SBSPON: variants seen among roughly 807,000 people sequenced by gnomAD.
The protein encoded by SBSPON is somatomedin-B and thrombospondin type-1 domain-containing protein.
A neutral mutation model predicts 35.8 loss-of-function variants in SBSPON; 30 were observed. The ratio of observed to expected loss-of-function variants is 0.84; its 90% CI spans 0.63 to 1.14. The LOEUF is 1.14. Among genes scored for constraint, SBSPON ranks in the 50% most tolerant of loss-of-function variants. The pLI is 0.00. For missense variants in SBSPON, 364 were observed against 357.7 expected, an observed-to-expected ratio of 1.02 and a Z score of -0.14; for synonymous variants, 136 against 135.9, an observed-to-expected ratio of 1.00 and a Z score of 0.00.
intron 1 of SBSPON, among the ~76,000 whole-genome samples, chr8:73,089,749 A>G (rs1397917414): frequency 6.6e-6 from 1 of 152,208 alleles, no homozygotes; most frequent in East Asian, 1.9e-4. Flanking sequence ...GACCAGTGCT[A>G]AGAGCCAACC....
At chr8:73,086,288 G>A (rs954843860) in intron 1 of SBSPON, among the ~76,000 whole-genome samples, 3 of 151,904 alleles carry the variant, frequency 2.0e-5, no homozygotes, top group Admixed American at 6.6e-5. Context: ...AGCCTCCCGA[G>A]TAGCTGGGAT....
chr8:73,069,174 A>G (rs953838146), intron 4 of SBSPON, among the ~76,000 whole-genome samples: 6 of 152,148 alleles, frequency 3.9e-5, no homozygotes, highest in Non-Finnish European at 7.3e-5. Context: ...GAATCTGCAC[A>G]TTTTACATCT....
chr8:73,078,224 G>A lies in SBSPON; in HGVS notation c.409+2795C>T, dbSNP rs1198508368. On this transcript the variant is annotated intron_variant, in intron 2 of 4. Coordinates refer to ENST00000297354, the MANE Select transcript of SBSPON (RefSeq NM_153225.4). ...ACCAGATCCTGATGCTGCTGATCCAGGACCACCCGTTAGGAATCATCAGAC... is the reference window on the plus strand; with the variant it reads ...ACCAGATCCTGATGCTGCTGATCCAAGACCACCCGTTAGGAATCATCAGAC... 7.2e-5 allele frequency among the ~76,000 whole-genome samples: 11 copies of A among 152,270 alleles called. No individual in the cohort carries two copies. In the East Asian group the frequency reaches 2.1e-3, roughly 29 times the overall value.
chr8:73,069,467 T>A lies in SBSPON; in HGVS notation c.677+338A>T, dbSNP rs543758657. Reference sequence around the variant, plus strand: ...TTTATTTTTTGTAGACATGGGGTTTTACCATGTTGTCCAGGCTGGTCCCAA... The same window carrying A: ...TTTATTTTTTGTAGACATGGGGTTTAACCATGTTGTCCAGGCTGGTCCCAA... On this transcript the variant is annotated intron_variant, in intron 4 of 4. Transcript: ENST00000297354. Among the ~76,000 whole-genome samples, 6 of 152,182 alleles carry A rather than the reference T, an allele frequency of 3.9e-5. No homozygotes were observed. The South Asian group carries it at 6.2e-4, about 16-fold the overall frequency.
Position 73,084,134 on chromosome 8 carries a change from G to A in SBSPON, c.215-2921C>T, listed in dbSNP as rs1810772206. Reference sequence around the variant, plus strand: ...GGGCACCCCTGGCTTTCAGCTCATTGGAGAGTGAGACAATGGATGTAGATT... The same window carrying A: ...GGGCACCCCTGGCTTTCAGCTCATTAGAGAGTGAGACAATGGATGTAGATT... On this transcript the variant is annotated intron_variant, in intron 1 of 4. Transcript: ENST00000297354. 2.0e-5 allele frequency among the ~76,000 whole-genome samples: 3 copies of A among 152,332 alleles called. No individual in the cohort carries two copies. In the South Asian group the frequency reaches 6.2e-4, roughly 32 times the overall value.
intron 2 of SBSPON, among the ~76,000 whole-genome samples, chr8:73,078,132 C>T (rs1223338705): frequency 6.6e-6 from 1 of 152,152 alleles, no homozygotes; most frequent in Non-Finnish European, 1.5e-5. Flanking sequence ...GGAAGCCTTG[C>T]TAGAATGCAG....
In SBSPON at chr8:73,081,079, C is replaced by T. The variant is rs752412989; in HGVS notation, c.349G>A (p.Glu117Lys). 2.5e-6 allele frequency: 4 copies of T among 1,612,818 alleles called. No homozygotes were observed. Among genetic ancestry groups the T allele is most frequent in the Non-Finnish European group, 3.4e-6 (4 of 1,179,474 alleles). ...GAGTACTCCAGGCAGCCAGCTCTCT[C>T]TTCCAGGGGTGGGCAGGGCGCCCCG... ...NGGAPCPPLE[E>K]RAGCLEYSTP... The change falls in exon 2 of 5, where the codon GAG (glutamate) becomes AAG (lysine). Residue 117 changes from glutamate to lysine, a missense_variant. Coordinates refer to ENST00000297354, the MANE Select transcript of SBSPON (RefSeq NM_153225.4).
intron 1 of SBSPON, among the ~76,000 whole-genome samples, chr8:73,089,348 G>A (rs553623478): frequency 2.0e-5 from 3 of 152,282 alleles, no homozygotes; most frequent in South Asian, 4.2e-4. Flanking sequence ...GAGGTCAGGA[G>A]ATTGAAACCA....
chr8:73,072,395 G>A (rs1403446910), intron 2 of SBSPON, among the ~76,000 whole-genome samples: 10 of 152,184 alleles, frequency 6.6e-5, no homozygotes, highest in Admixed American at 2.6e-4. Context: ...AGCAGCTGGC[G>A]TGTTGGCTCA....
chr8:73,089,409 A>T (rs1810891937), intron 1 of SBSPON, among the ~76,000 whole-genome samples: 1 of 152,156 alleles, frequency 6.6e-6, no homozygotes, highest in Non-Finnish European at 1.5e-5. Flanking sequence ...CAAAAAAATT[A>T]GCCGGGCATG....
At chr8:73,073,014 C>G (rs1241581366) in intron 2 of SBSPON, among the ~76,000 whole-genome samples, 1 of 152,182 alleles carries the variant, frequency 6.6e-6, no homozygotes, top group Non-Finnish European at 1.5e-5. Flanking sequence ...TCTAGGGAGG[C>G]ATTTGTTGCT....
chr8:73,084,763 C>G (rs896654376), intron 1 of SBSPON, among the ~76,000 whole-genome samples: 4 of 106,944 alleles, frequency 3.7e-5, no homozygotes, highest in Admixed American at 8.3e-5. Flanking sequence ...CACACACACA[C>G]ACACACACAC....
Position 73,092,989 on chromosome 8 carries a change from G to A in SBSPON, c.79C>T (p.Arg27Cys). Residue 27 changes from arginine (R) to cysteine (C), a missense_variant, in exon 1 of 5, where the codon CGC becomes TGC. Coordinates refer to ENST00000297354, the MANE Select transcript of SBSPON (RefSeq NM_153225.4). ...GAQAGCAEAGRCCPGRDPACF... is the reference protein window; with the variant it reads ...GAQAGCAEAGCCCPGRDPACF... ...GCGGGGTCCCGGCCGGGACAGCAGC[G>A]CCCGGCCTCGGCGCAGCCGGCCTGG... 2 of 1,539,186 alleles carry A rather than the reference G, an allele frequency of 1.3e-6. No homozygotes were observed. The highest frequency in any genetic ancestry group is 2.9e-5 in the African/African-American group (2 of 70,132).
chr8:73,088,664 C>G (rs897511470), intron 1 of SBSPON, among the ~76,000 whole-genome samples: 5 of 150,030 alleles, frequency 3.3e-5, no homozygotes, highest in African/African-American at 1.2e-4. Flanking sequence ...GCCTAGGCAA[C>G]AGAATCAGAT....
At chr8:73,090,093 G>A (rs899184727) in intron 1 of SBSPON, among the ~76,000 whole-genome samples, 1 of 152,200 alleles carries the variant, frequency 6.6e-6, no homozygotes, top group Admixed American at 6.5e-5. Flanking sequence ...GGCCAGGCTG[G>A]TCTCAAACTC....
At chr8:73,076,790 G>C (rs1201419682) in intron 2 of SBSPON, among the ~76,000 whole-genome samples, 2 of 152,066 alleles carry the variant, frequency 1.3e-5, no homozygotes, top group East Asian at 3.9e-4. Context: ...AGGAAGAAGA[G>C]TCTCCCCTAG....
chr8:73,069,887 A>C lies in SBSPON; in HGVS notation c.595T>G (p.Tyr199Asp). The change falls in exon 4 of 5, where the codon TAC (tyrosine) becomes GAC (aspartate). Residue 199 changes from tyrosine to aspartate, a missense_variant. By Grantham distance (160) the Tyr-to-Asp change is radical. Coordinates refer to ENST00000297354, the MANE Select transcript of SBSPON (RefSeq NM_153225.4). ...GGCTGACAATCCACACACACCGTGT[A>C]TCCCTCTCGGAGATACTGCATCCAT... ...TRWMQYLREGYTVCVDCQPPA... is the reference protein window; with the variant it reads ...TRWMQYLREGDTVCVDCQPPA... The C allele has an allele frequency of 6.2e-7, 1 of 1,613,676 alleles. No individual in the cohort carries two copies. Among genetic ancestry groups the C allele is most frequent in the South Asian group, 1.1e-5 (1 of 91,072 alleles).
intron 3 of SBSPON, 84 bp from the exon 4 acceptor site, chr8:73,070,065 C>A: frequency 1.2e-6 from 1 of 838,546 alleles, no homozygotes; most frequent in South Asian, 1.9e-5. Context: ...CCTGTCACCT[C>A]CAAGGGCATT....
chr8:73,092,798 G>T, intron 1 of SBSPON, 56 bp downstream of exon 1: 2 of 1,414,580 alleles, frequency 1.4e-6, no homozygotes, highest in Non-Finnish European at 2.0e-6. Flanking sequence ...GCCCTGCCCT[G>T]TGCCCGTTGG....
Sources: allele counts gnomAD v4.1 joint callset (sites outside exome capture counted in the v4.1 genomes callset), GRCh38; gene constraint gnomAD v4.1.1; transcripts MANE v1.5; gene names NCBI Gene and HGNC (gene_info 2026-07-23, HGNC 2026-07-21).